Variants in GPLD1 observed in about 807,000 individuals in gnomAD.
GPLD1 encodes glycosylphosphatidylinositol specific phospholipase D1.
Under a neutral mutation model 112.6 loss-of-function variants are expected in GPLD1, and 84 were observed. The observed-to-expected ratio is 0.75, with a 90% CI of 0.63 to 0.89. GPLD1 has a LOEUF of 0.89. GPLD1 is among the 40% of genes least tolerant of loss of function. The pLI is 0.00. For missense variants in GPLD1, 1,044 were observed against 1,051.5 expected, an observed-to-expected ratio of 0.99 and a Z score of 0.10; for synonymous variants, 386 against 403.8, an observed-to-expected ratio of 0.96 and a Z score of 0.53.
intron 12 of GPLD1, among the ~76,000 whole-genome samples, chr6:24,459,296 C>T (rs993440206): frequency 3.3e-5 from 5 of 152,096 alleles, no homozygotes; most frequent in African/African-American, 4.8e-5. Context: ...CTCTAGCACC[C>T]AGGCTGGAGT....
chr6:24,445,401 AGTT>A (rs201971924), intron 20 of GPLD1, 142 bp downstream of exon 20: 20,565 of 624,162 alleles, frequency 0.033, 421 homozygotes, highest in Middle Eastern at 0.075. Flanking sequence ...ACTTCCCCAA[AGTT>A]ACACAGAATG....
chr6:24,445,451 T>C (rs1215272780), intron 20 of GPLD1, 95 bp downstream of exon 20: 10 of 780,368 alleles, frequency 1.3e-5, no homozygotes, highest in Non-Finnish European at 2.0e-5. Flanking sequence ...AACCTAGATC[T>C]GTTCAGCTCC....
chr6:24,495,096 G>A (rs975543325), exon 1 of GPLD1: 2 of 1,309,886 alleles, frequency 1.5e-6, no homozygotes, highest in African/African-American at 3.1e-5. Flanking sequence ...CCTGGTCCCT[G>A]CCTCCGGGCC....
intron 22 of GPLD1, among the ~76,000 whole-genome samples, chr6:24,435,582 T>C (rs1762544369): frequency 6.6e-6 from 1 of 151,290 alleles, no homozygotes; most frequent in Non-Finnish European, 1.5e-5. Context: ...ATAGGTGGGG[T>C]ACGGTGGCTC....
chr6:24,467,342 G>T, intron 7 of GPLD1, 68 bp from the exon 8 acceptor site: 1 of 840,356 alleles, frequency 1.2e-6, no homozygotes. Context: ...AACAGCAGCA[G>T]CAGCTACCAG....
intron 3 of GPLD1, among the ~76,000 whole-genome samples, chr6:24,476,540 G>A (rs1233778611): frequency 2.6e-5 from 4 of 152,132 alleles, no homozygotes; most frequent in Non-Finnish European, 5.9e-5. Flanking sequence ...TCACGGAATC[G>A]CAAGCCCGGC....
intron 2 of GPLD1, 24 bp from the exon 3 acceptor site, chr6:24,479,983 A>G: frequency 2.0e-6 from 3 of 1,475,108 alleles, no homozygotes; most frequent in Non-Finnish European, 2.8e-6. Flanking sequence ...AAATACAGAG[A>G]TTAAGGGGCA....
At position 24,495,195 on chromosome 6, in the gene GPLD1, G is replaced by A. The variant is rs904596298; in HGVS notation, n.11C>T. On this transcript the variant is annotated non_coding_transcript_exon_variant, in exon 1 of 11. Transcript: ENST00000474784. Reference sequence around the variant, plus strand: ...GCTGCGCACCGACAGCTTCGTGGGCGGCCGCTGGCTCCCGGCCGCCGCCAC... The same window carrying A: ...GCTGCGCACCGACAGCTTCGTGGGCAGCCGCTGGCTCCCGGCCGCCGCCAC... 2.0e-6 allele frequency: 3 copies of A among 1,504,120 alleles called. No homozygotes were observed. The highest frequency in any genetic ancestry group is 2.6e-6 in the Non-Finnish European group (3 of 1,134,312). The allele number at this position is 1,504,120 out of a possible 1,614,324, so 93.2% of individuals were successfully genotyped here. A position where few individuals can be genotyped will look rare whatever the true frequency, so the allele number is the denominator to read the frequency against.
At chr6:24,454,881 C>T (rs1265028456) in intron 13 of GPLD1, among the ~76,000 whole-genome samples, 6 of 152,236 alleles carry the variant, frequency 3.9e-5, no homozygotes, top group Admixed American at 2.6e-4. Flanking sequence ...GTAATCCCAG[C>T]ACTTTGGGAG....
At position 24,466,789 on chromosome 6, in the gene GPLD1, A is replaced by T. The variant is rs1763631961; in HGVS notation, c.712T>A (p.Phe238Ile). The change falls in exon 10 of 25, where the codon TTT (phenylalanine) becomes ATT (isoleucine). Residue 238 changes from phenylalanine to isoleucine, a missense_variant. Transcript: ENST00000230036. ...LYPTYSTKSP[F>I]LVEQFQEYFL... ...TACTCTTGGAATTGTTCCACCAAAA[A>T]CGGGGACTTTGTAGAGTAAGTGGGA... is the stretch of plus-strand genomic sequence containing the variant. The T allele has an allele frequency of 6.2e-7, 1 of 1,612,124 alleles. No individual in the cohort carries two copies. The highest frequency in any genetic ancestry group is 1.7e-5 in the Admixed American group (1 of 59,982).
At chr6:24,456,769 AT>A in intron 12 of GPLD1, 132 bp from the exon 13 acceptor site, 1 of 568,342 alleles carries the variant, frequency 1.8e-6, no homozygotes. Context: ...AAAATAAAAC[AT>A]TAGGTCCTAT....
chr6:24,430,081 T>C (rs1043362250), intron 24 of GPLD1, among the ~76,000 whole-genome samples: 2 of 152,228 alleles, frequency 1.3e-5, no homozygotes, highest in Admixed American at 6.5e-5. Flanking sequence ...GTATCATGGG[T>C]CAGACACTAT....
At chr6:24,437,951 G>C (rs1452023625) in intron 20 of GPLD1, among the ~76,000 whole-genome samples, 1 of 152,170 alleles carries the variant, frequency 6.6e-6, no homozygotes, top group Non-Finnish European at 1.5e-5. Flanking sequence ...ATAACACCGA[G>C]TCCAGTGGGA....
At chr6:24,485,816 T>C (rs1417248518) in intron 2 of GPLD1, among the ~76,000 whole-genome samples, 3 of 152,062 alleles carry the variant, frequency 2.0e-5, no homozygotes, top group Non-Finnish European at 4.4e-5. Flanking sequence ...ATTACGGGCA[T>C]GCACCACCAC....
intron 13 of GPLD1, among the ~76,000 whole-genome samples, chr6:24,456,267 C>T (rs1358676468): frequency 6.6e-5 from 10 of 152,096 alleles, no homozygotes; most frequent in Middle Eastern, 3.4e-3. Flanking sequence ...GGCATGGTGG[C>T]GCGCACCTGT....
intron 2 of GPLD1, among the ~76,000 whole-genome samples, 182 bp downstream of exon 2, chr6:24,485,893 T>A (rs576253248): frequency 6.6e-6 from 1 of 152,306 alleles, no homozygotes; most frequent in East Asian, 1.9e-4. Flanking sequence ...GGTCTCGAAC[T>A]CCTGACCTCA....
At chr6:24,458,918 C>T (rs1008324226) in intron 12 of GPLD1, among the ~76,000 whole-genome samples, 3 of 152,058 alleles carry the variant, frequency 2.0e-5, no homozygotes, top group Admixed American at 6.6e-5. Context: ...GCAGTGACAG[C>T]AGTATATTAA....
In GPLD1 at chr6:24,466,779, T is replaced by G. The variant is rs778078050; in HGVS notation, c.722A>C (p.Glu241Ala). Residue 241 changes from glutamate (E) to alanine (A), a missense_variant, in exon 10 of 25, where the codon GAA becomes GCA. Coordinates refer to ENST00000230036, the MANE Select transcript of GPLD1 (RefSeq NM_001503.4). Reference sequence around the variant, plus strand: ...TCCAAGAAAATACTCTTGGAATTGTTCCACCAAAAACGGGGACTTTGTAGA... The same window carrying G: ...TCCAAGAAAATACTCTTGGAATTGTGCCACCAAAAACGGGGACTTTGTAGA... ...TYSTKSPFLV[E>A]QFQEYFLGGL... The G allele has an allele frequency of 2.5e-6, 4 of 1,612,180 alleles. No individual in the cohort carries two copies. The East Asian group carries it at 8.9e-5, about 36-fold the overall frequency.
chr6:24,454,294 A>C, intron 13 of GPLD1, 93 bp from the exon 14 acceptor site: 1 of 853,962 alleles, frequency 1.2e-6, no homozygotes, highest in Non-Finnish European at 1.7e-6. Flanking sequence ...CCAGTCCATT[A>C]ACTTTCTCTC....
Sources: allele counts gnomAD v4.1 joint callset (sites outside exome capture counted in the v4.1 genomes callset), GRCh38; gene constraint gnomAD v4.1.1; transcripts MANE v1.5; gene names NCBI Gene and HGNC (gene_info 2026-07-23, HGNC 2026-07-21).